LONRF1: variants seen among roughly 807,000 people sequenced by gnomAD.
The protein encoded by LONRF1 is LON peptidase N-terminal domain and ring finger 1.
A neutral mutation model predicts 85.8 loss-of-function variants in LONRF1; 37 were observed. The observed-to-expected ratio is 0.43, with a 90% CI of 0.33 to 0.57. LONRF1 has a LOEUF of 0.57. LONRF1 is among the 20% of genes least tolerant of loss of function. The probability of loss-of-function intolerance (pLI) is 0.04; values close to 1 mark genes in which losing one functional copy is unlikely to be tolerated. For synonymous variants in LONRF1, 517 were observed against 390.1 expected (o/e 1.33, Z -3.83); for missense variants, 1,036 against 978.0 (o/e 1.06, Z -0.79).
At chr8:12,736,099 C>A (rs1443935147) in intron 6 of LONRF1, among the ~76,000 whole-genome samples, 4 of 152,142 alleles carry the variant, frequency 2.6e-5, no homozygotes, top group African/African-American at 9.7e-5. Flanking sequence ...AGAATTAAGA[C>A]TTGCTCAGGA....
intron 2 of LONRF1, among the ~76,000 whole-genome samples, chr8:12,742,320 A>G (rs916244652): frequency 6.6e-6 from 1 of 152,236 alleles, no homozygotes; most frequent in Non-Finnish European, 1.5e-5. Flanking sequence ...AGAGTAACTT[A>G]TATCTTAAAG....
chr8:12,747,032 C>G (rs975511479), intron 1 of LONRF1, among the ~76,000 whole-genome samples: 8 of 152,176 alleles, frequency 5.3e-5, no homozygotes, highest in African/African-American at 1.9e-4. Flanking sequence ...GAACTCCCTC[C>G]GTTATTTCCT....
chr8:12,724,998 A>T (rs755851329), intron 11 of LONRF1, among the ~76,000 whole-genome samples: 1 of 152,200 alleles, frequency 6.6e-6, no homozygotes, highest in Non-Finnish European at 1.5e-5. Context: ...TCCTTTGTAA[A>T]ATCTATCACC....
chr8:12,727,216 T>C (rs1798346160), intron 10 of LONRF1: 1 of 148,084 alleles, frequency 6.8e-6, no homozygotes, highest in Non-Finnish European at 1.5e-5. Context: ...ATAACAATTA[T>C]AAGCGTCAGT....
At chr8:12,746,210 G>T (rs939599048) in intron 1 of LONRF1, among the ~76,000 whole-genome samples, 1 of 152,020 alleles carries the variant, frequency 6.6e-6, no homozygotes, top group Non-Finnish European at 1.5e-5. Context: ...CCTGCCTTCA[G>T]TTCTACTCTA....
intron 1 of LONRF1, among the ~76,000 whole-genome samples, chr8:12,751,296 G>GTTTTTTTTTTGTTTGTTT (rs1563160503): frequency 1.2e-3 from 83 of 69,512 alleles, no homozygotes; most frequent in South Asian, 3.1e-3. Flanking sequence ...TTATTTTTAT[G>GTTTTTTTTTTGTTTGTTT]TTTTTTTTTT....
rs1472507794 is a variant in LONRF1, at chr8:12,743,167, A to G, written c.837T>C (p.Pro279=). The G allele has an allele frequency of 6.3e-7, 1 of 1,595,746 alleles. No individual in the cohort carries two copies. The highest frequency in any genetic ancestry group is 8.6e-7 in the Non-Finnish European group (1 of 1,163,948). ...AAACATAAAACAGTAATTTTACCTC[A>G]GGCCAATCTGGAAGTTGAAAAAGAA... is the stretch of plus-strand genomic sequence containing the variant. ...NAVLFQLPDW[P]EVYFRKGKVL... The change falls in exon 2 of 12, where the codon CCT becomes CCC. Residue 279 remains proline, a synonymous_variant. Coordinates refer to ENST00000398246, the MANE Select transcript of LONRF1 (RefSeq NM_152271.5).
intron 1 of LONRF1, among the ~76,000 whole-genome samples, chr8:12,744,660 G>A (rs1269305517): frequency 6.6e-6 from 1 of 152,122 alleles, no homozygotes; most frequent in African/African-American, 2.4e-5. Flanking sequence ...TACAACTGGA[G>A]GTGAGAAAAC....
intron 1 of LONRF1, among the ~76,000 whole-genome samples, chr8:12,751,302 T>TTTGTTTTTGTTTTTG (rs1554469359): frequency 8.3e-5 from 8 of 96,608 alleles, no homozygotes; most frequent in Admixed American, 2.2e-4. Flanking sequence ...TTATGTTTTT[T>TTTGTTTTTGTTTTTG]TTTTTTTTTT....
chr8:12,736,978 G>A lies in LONRF1; in HGVS notation c.1276C>T (p.Leu426=). The stretch of plus-strand genomic sequence containing the variant: ...TCTAAAAGAGACAACTTTCTTTTCA[G>A]CAGAACACCTTTTTCTTGAACTGAC... ...VLSVQEKGVL[L]KRKLSLLEQD... The change falls in exon 5 of 12, where the codon CTG becomes TTG. Residue 426 remains leucine (L), a synonymous_variant. Coordinates refer to ENST00000398246, the MANE Select transcript of LONRF1 (RefSeq NM_152271.5). 3 of 1,613,344 alleles carry A rather than the reference G, an allele frequency of 1.9e-6. No individual in the cohort carries two copies. Among genetic ancestry groups the A allele is most frequent in the Non-Finnish European group, 2.5e-6 (3 of 1,179,632 alleles).
At chr8:12,746,176 T>C (rs528540360) in intron 1 of LONRF1, among the ~76,000 whole-genome samples, 2 of 152,334 alleles carry the variant, frequency 1.3e-5, no homozygotes, top group South Asian at 4.1e-4. Flanking sequence ...CTAATACTAT[T>C]GCAATAGCTT....
rs1366986293 is a variant in LONRF1, at chr8:12,755,112, C to A, written c.309G>T (p.Leu103=). 3 of 1,461,170 alleles carry A rather than the reference C, an allele frequency of 2.1e-6. No homozygotes were observed. Among genetic ancestry groups the A allele is most frequent in the African/African-American group, 2.9e-5 (2 of 68,042 alleles). 90.5% of individuals were successfully genotyped at this position (1,461,170 alleles called of 1,614,324 possible). ...LVFNYRLRHG[L]GWSAAPVAGA... Reference sequence around the variant, plus strand: ...CTGCAACCGGGGCCGCGCTCCAGCCCAGCCCGTGGCGGAGCCGGTAGTTGA... The same window carrying A: ...CTGCAACCGGGGCCGCGCTCCAGCCAAGCCCGTGGCGGAGCCGGTAGTTGA... The change falls in exon 1 of 12, where the codon CTG becomes CTT. Residue 103 remains leucine (L), a synonymous_variant. Transcript: ENST00000398246.
chr8:12,728,651 T>C (rs995607274), intron 10 of LONRF1, among the ~76,000 whole-genome samples: 17 of 152,214 alleles, frequency 1.1e-4, no homozygotes, highest in African/African-American at 3.4e-4. Context: ...ACATACATTC[T>C]AGGCACTGGG....
chr8:12,747,447 A>C (rs1443178640), intron 1 of LONRF1, among the ~76,000 whole-genome samples: 2 of 152,238 alleles, frequency 1.3e-5, no homozygotes, highest in Non-Finnish European at 2.9e-5. Flanking sequence ...TAAGAGGTAA[A>C]AACTATCTTT....
At chr8:12,725,331 T>C (rs1334492384) in intron 11 of LONRF1, among the ~76,000 whole-genome samples, 2 of 152,142 alleles carry the variant, frequency 1.3e-5, no homozygotes, top group Admixed American at 1.3e-4. Flanking sequence ...GTATAGAAAA[T>C]GGTAAGTCTC....
In LONRF1 at chr8:12,731,749, C is replaced by T; in HGVS notation, c.1675G>A (p.Ala559Thr). 6.2e-7 allele frequency: 1 copy of T among 1,611,240 alleles called. No homozygotes were observed. The highest frequency in any genetic ancestry group is 8.5e-7 in the Non-Finnish European group (1 of 1,178,708). The change falls in exon 8 of 12, where the codon GCT becomes ACT. Residue 559 changes from alanine (A) to threonine (T), a missense_variant. Around this residue, in one of 3 missense-constraint regions of LONRF1, gnomAD observed 265 missense variants for 301.5 expected, o/e 0.88. Transcript: ENST00000398246. ...GAAGAAACTTACTGTGAGAGTTCAG[C>T]AGTTTCTTCATCATATATTTTTTTT... ...ERKKIYDEET[A>T]ELSHLTKNVP...
intron 1 of LONRF1, among the ~76,000 whole-genome samples, chr8:12,744,549 G>T (rs1344644775): frequency 6.6e-6 from 1 of 152,044 alleles, no homozygotes; most frequent in Non-Finnish European, 1.5e-5. Context: ...GACCCTGTAG[G>T]TATTCAAAAA....
intron 1 of LONRF1, among the ~76,000 whole-genome samples, chr8:12,746,604 T>G (rs2117325738): frequency 6.6e-6 from 1 of 152,358 alleles, no homozygotes; most frequent in African/African-American, 2.4e-5. Flanking sequence ...CTCTGTACTT[T>G]AATTTCCTTA....
At position 12,737,121 on chromosome 8, in the gene LONRF1, A is replaced by T. The variant is rs1176817156; in HGVS notation, c.1133T>A (p.Val378Asp). The change falls in exon 5 of 12, where the codon GTC becomes GAC. Residue 378 changes from valine (V) to aspartate (D), a missense_variant. This residue lies in a region of LONRF1 where 742 missense variants were observed against 614.4 expected (regional missense o/e 1.21). Coordinates refer to ENST00000398246, the MANE Select transcript of LONRF1 (RefSeq NM_152271.5). Reference sequence around the variant, plus strand: ...GCTTCCTTTGACAGGCTCTGAAGTGACCTCTGGTATTTCTTCACTCTACAA... The same window carrying T: ...GCTTCCTTTGACAGGCTCTGAAGTGTCCTCTGGTATTTCTTCACTCTACAA... Reference protein sequence around the residue: ...SPKQSEEIPEVTSEPVKGSLN... With the variant: ...SPKQSEEIPEDTSEPVKGSLN... The T allele has an allele frequency of 6.2e-7, 1 of 1,611,712 alleles. No individual in the cohort carries two copies.
Sources: allele counts gnomAD v4.1 joint callset (sites outside exome capture counted in the v4.1 genomes callset), GRCh38; gene constraint gnomAD v4.1.1; regional missense constraint gnomAD v4.1.1; transcripts MANE v1.5; gene names NCBI Gene and HGNC (gene_info 2026-07-23, HGNC 2026-07-21).